TNNI1: variants seen among roughly 807,000 people sequenced by gnomAD.
TNNI1 encodes the protein troponin I1, slow skeletal type, also known as troponin I, slow skeletal muscle.
TNNI1 carries 14 observed loss-of-function variants against 26.7 expected under a neutral mutation model. The observed-to-expected ratio is 0.52, with a 90% CI of 0.35 to 0.82. The LOEUF (loss-of-function observed/expected upper bound fraction) is 0.82. Ranked by LOEUF, TNNI1 falls within the 40% of genes least tolerant of loss-of-function variation. The pLI, the probability that TNNI1 is intolerant of heterozygous loss-of-function variation, is 0.01. For missense variants in TNNI1, 164 were observed against 257.0 expected (o/e 0.64, Z 2.47); for synonymous variants, 79 against 98.2 (o/e 0.80, Z 1.16).
intron 8 of TNNI1, 148 bp downstream of exon 8, chr1:201,410,178 A>G: frequency 1.5e-6 from 1 of 651,598 alleles, no homozygotes; most frequent in South Asian, 1.9e-5. Context: ...GACTGAGCCC[A>G]GGAGAGCCGA....
intron 1 of TNNI1, among the ~76,000 whole-genome samples, chr1:201,418,503 T>C (rs1204397719): frequency 6.7e-6 from 1 of 150,172 alleles, no homozygotes; most frequent in East Asian, 1.9e-4. Context: ...AGAGTGTAGC[T>C]CACTCATGAG....
Position 201,413,116 on chromosome 1 carries a change from C to T in TNNI1, c.195G>A (p.Leu65=). 6.2e-7 allele frequency: 1 copy of T among 1,614,044 alleles called. No homozygotes were observed. ...RGLSLSALQD[L]CRELHAKVEV... Reference sequence around the variant, plus strand: ...CCACCTTGGCGTGCAGCTCCCGGCACAGGTCCTGGGGGCCGCAGATGGATC... The same window carrying T: ...CCACCTTGGCGTGCAGCTCCCGGCATAGGTCCTGGGGGCCGCAGATGGATC... Residue 65 remains leucine, a synonymous_variant, in exon 6 of 9, where the codon CTG becomes CTA. Transcript: ENST00000361379.
At position 201,420,898 on chromosome 1, in the gene TNNI1, C is replaced by A. The variant is rs561201246; in HGVS notation, c.-20+775G>T. On this transcript the variant is annotated intron_variant, in intron 1 of 8. Coordinates refer to ENST00000361379, the MANE Select transcript of TNNI1 (RefSeq NM_003281.4). ...CCCACCTGAGTCAGGGACCGCCACA[C>A]GGCCCCCTGCCCCAAGCCTTGGGTT... 5.9e-5 allele frequency among the ~76,000 whole-genome samples: 9 copies of A among 152,316 alleles called. No homozygotes were observed. The East Asian group carries it at 1.7e-3, about 29-fold the overall frequency.
intron 7 of TNNI1, 53 bp from the exon 8 acceptor site, chr1:201,410,488 A>T (rs1283840194): frequency 1.3e-6 from 2 of 1,497,242 alleles, no homozygotes; most frequent in Non-Finnish European, 1.9e-6. Flanking sequence ...ACGGCCCCCC[A>T]GCTCAAGAGA....
At chr1:201,417,412 G>A (rs924218951) in intron 2 of TNNI1, among the ~76,000 whole-genome samples, 48 of 152,198 alleles carry the variant, frequency 3.2e-4, no homozygotes, top group African/African-American at 7.7e-4. Context: ...AAGCCTTAGC[G>A]TAGGGTTCCA....
At chr1:201,420,235 C>G (rs918513681) in intron 1 of TNNI1, among the ~76,000 whole-genome samples, 9 of 152,340 alleles carry the variant, frequency 5.9e-5, no homozygotes, top group African/African-American at 2.2e-4. Flanking sequence ...AATGCCAGAC[C>G]AAGGGGTCCC....
Position 201,408,907 on chromosome 1 carries a change from G to C in TNNI1, c.*346C>G, listed in dbSNP as rs1014622662. 2.0e-5 allele frequency: 3 copies of C among 152,222 alleles called. No homozygotes were observed. Among genetic ancestry groups the C allele is most frequent in the Non-Finnish European group, 4.4e-5 (3 of 68,068 alleles). 9.4% of individuals were successfully genotyped at this position (152,222 alleles called of 1,614,324 possible). A position where few individuals can be genotyped will look rare whatever the true frequency, so the allele number is the denominator to read the frequency against. The stretch of plus-strand genomic sequence containing the variant: ...TAATGAAGAAGGTGTGATGCCTGTG[G>C]ACACTGTACACACATAGAAGGAGTG... On this transcript the variant is annotated 3_prime_UTR_variant, in exon 9 of 9. Coordinates refer to ENST00000361379, the MANE Select transcript of TNNI1 (RefSeq NM_003281.4).
Position 201,406,453 on chromosome 1 carries a change from CTG to C in TNNI1, c.*2798_*2799del, listed in dbSNP as rs1276353238. 6.6e-6 allele frequency: 1 copy of C among 152,274 alleles called. No homozygotes were observed. Among genetic ancestry groups the C allele is most frequent in the Non-Finnish European group, 1.5e-5 (1 of 68,070 alleles). 9.4% of individuals were successfully genotyped at this position (152,274 alleles called of 1,614,324 possible). On this transcript the variant is annotated 3_prime_UTR_variant, in exon 9 of 9. Coordinates refer to ENST00000361379, the MANE Select transcript of TNNI1 (RefSeq NM_003281.4). The stretch of plus-strand genomic sequence containing the variant: ...TGATCATGAAAAGTCCCTAACCTCT[CTG>C]TGCCTCAGTTTTCCCCACTGTACCA...
At chr1:201,417,602 C>T (rs1047397183) in intron 2 of TNNI1, 181 bp downstream of exon 2, 2 of 487,896 alleles carry the variant, frequency 4.1e-6, no homozygotes, top group Non-Finnish European at 6.9e-6. Context: ...GAGTTCTGCT[C>T]AATGGCTGGG....
At chr1:201,412,066 C>T (rs183596364) in intron 6 of TNNI1, among the ~76,000 whole-genome samples, 32 of 152,286 alleles carry the variant, frequency 2.1e-4, no homozygotes, top group African/African-American at 6.5e-4. Context: ...TGCTGATAAA[C>T]GGATGGTTAA....
chr1:201,420,649 C>T (rs893794494), intron 1 of TNNI1, among the ~76,000 whole-genome samples: 5 of 152,126 alleles, frequency 3.3e-5, no homozygotes, highest in African/African-American at 1.2e-4. Context: ...CCAATGATCA[C>T]GTCCACAAGT....
intron 1 of TNNI1, 104 bp downstream of exon 1, chr1:201,421,569 T>C (rs1662857305): frequency 6.6e-6 from 1 of 152,180 alleles, no homozygotes. Context: ...AGGCAAGAAA[T>C]GGTTTTCTCC....
rs745766873 is a variant in TNNI1, at chr1:201,405,103, G to T, written c.*4150C>A. The T allele has an allele frequency of 1.3e-5, 2 of 152,308 alleles. No individual in the cohort carries two copies. The highest frequency in any genetic ancestry group is 3.8e-4 in the East Asian group (2 of 5,202). 9.4% of individuals were successfully genotyped at this position (152,308 alleles called of 1,614,324 possible). A position where few individuals can be genotyped will look rare whatever the true frequency, so the allele number is the denominator to read the frequency against. On this transcript the variant is annotated 3_prime_UTR_variant, in exon 9 of 9. Coordinates refer to ENST00000361379, the MANE Select transcript of TNNI1 (RefSeq NM_003281.4). ...GGGCAGCCTGTTCAGATCCCTGGGC[G>T]TTTGCCTCTGGCCAGGAGACCAAAG...
Position 201,404,164 on chromosome 1 carries a change from G to A in TNNI1, c.*5089C>T, listed in dbSNP as rs940663651. The A allele has an allele frequency of 1.3e-5, 2 of 151,954 alleles. No homozygotes were observed. Among genetic ancestry groups the A allele is most frequent in the Admixed American group, 6.5e-5 (1 of 15,270 alleles). 9.4% of individuals were successfully genotyped at this position (151,954 alleles called of 1,614,324 possible). A position where few individuals can be genotyped will look rare whatever the true frequency, so the allele number is the denominator to read the frequency against. On this transcript the variant is annotated 3_prime_UTR_variant, in exon 9 of 9. Transcript: ENST00000361379. ...GGTCATCTCTCTCGTCCCCTCCCTC[G>A]AGGTTCTGAGGAGCCTCAGAACAGA... is the stretch of plus-strand genomic sequence containing the variant.
chr1:201,413,725 A>G (rs1326705133), intron 5 of TNNI1, among the ~76,000 whole-genome samples: 3 of 152,198 alleles, frequency 2.0e-5, no homozygotes, highest in Non-Finnish European at 4.4e-5. Flanking sequence ...AGCCTGGGCA[A>G]CAGAATGAGA....
intron 5 of TNNI1, among the ~76,000 whole-genome samples, chr1:201,413,326 A>C (rs771116848): frequency 2.6e-5 from 4 of 152,182 alleles, no homozygotes; most frequent in Non-Finnish European, 5.9e-5. Flanking sequence ...TGATTTCTTA[A>C]AAAATAGTAT....
chr1:201,421,542 CA>C (rs1022116984), intron 1 of TNNI1, 130 bp downstream of exon 1: 6 of 152,194 alleles, frequency 3.9e-5, no homozygotes, highest in Non-Finnish European at 7.3e-5. Context: ...AATGTTCTAC[CA>C]ACAAACCAAC....
In TNNI1 at chr1:201,417,651, C is replaced by G. The variant is rs1662772929; in HGVS notation, c.11+132G>C. ...CACAGGGGAAACCATCAAGTGCTGC[C>G]CCTGTTTGAGGACCTGGTCTCTTAG... On this transcript the variant is annotated intron_variant, in intron 2 of 8. Transcript: ENST00000361379. The G allele has an allele frequency of 8.8e-6, 6 of 679,610 alleles. No homozygotes were observed. In the South Asian group the frequency reaches 4.5e-4, roughly 51 times the overall value. The allele number at this position is 679,610 out of a possible 1,614,324, so 42.1% of individuals were successfully genotyped here. A position where few individuals can be genotyped will look rare whatever the true frequency, so the allele number is the denominator to read the frequency against.
At chr1:201,420,982 T>C (rs946681224) in intron 1 of TNNI1, among the ~76,000 whole-genome samples, 3 of 152,094 alleles carry the variant, frequency 2.0e-5, no homozygotes, top group Non-Finnish European at 2.9e-5. Flanking sequence ...CAACCCAAAA[T>C]GCCGCCACCA....
Sources: allele counts gnomAD v4.1 joint callset (sites outside exome capture counted in the v4.1 genomes callset), GRCh38; gene constraint gnomAD v4.1.1; transcripts MANE v1.5; gene names NCBI Gene and HGNC (gene_info 2026-07-23, HGNC 2026-07-21).